Variants in RASEF observed in about 807,000 individuals in gnomAD.
The protein encoded by RASEF is ras and EF-hand domain-containing protein.
RASEF carries 68 observed loss-of-function variants against 90.1 expected under a neutral mutation model. The ratio of observed to expected loss-of-function variants is 0.75; its 90% CI spans 0.62 to 0.92. The LOEUF (loss-of-function observed/expected upper bound fraction) is 0.92, where lower values mean the gene tolerates loss of function less well. Among genes scored for constraint, RASEF ranks in the 40% least tolerant of loss-of-function variants. The pLI, the probability that RASEF is intolerant of heterozygous loss-of-function variation, is 0.00. For missense variants in RASEF, 949 were observed against 937.2 expected (o/e 1.01, Z -0.16); for synonymous variants, 331 against 345.2 (o/e 0.96, Z 0.46).
chr9:83,066,039 A>G (rs1437657643), upstream of RASEF, among the ~76,000 whole-genome samples: 1 of 152,182 alleles, frequency 6.6e-6, no homozygotes, highest in Non-Finnish European at 1.5e-5. Context: ...TGGTGCTCCA[A>G]TAAAAAGAGA....
At chr9:83,183,301 T>G in the RASEF span, among the ~76,000 whole-genome samples, 7 of 151,606 alleles carry the variant, frequency 4.6e-5, no homozygotes, top group African/African-American at 1.7e-4. Flanking sequence ...TTTGTGTTTT[T>G]GTGGAAAACA....
At chr9:83,144,188 G>T in the RASEF span, among the ~76,000 whole-genome samples, 2 of 151,744 alleles carry the variant, frequency 1.3e-5, no homozygotes, top group South Asian at 4.2e-4. Context: ...GACAGGGGAA[G>T]GGAGGCACGG....
chr9:83,002,546 CA>C (rs1829060569), intron 9 of RASEF, among the ~76,000 whole-genome samples: 1 of 150,374 alleles, frequency 6.7e-6, no homozygotes, highest in African/African-American at 2.4e-5. Context: ...CTATTAATAA[CA>C]ATAACAATGA....
At chr9:83,074,136 T>C in the RASEF span, among the ~76,000 whole-genome samples, 2 of 152,118 alleles carry the variant, frequency 1.3e-5, no homozygotes, top group Non-Finnish European at 2.9e-5. Flanking sequence ...TTCTGTAAGC[T>C]CCTTTTATTT....
At chr9:83,101,870 C>T in the RASEF span, among the ~76,000 whole-genome samples, 1 of 152,084 alleles carries the variant, frequency 6.6e-6, no homozygotes, top group East Asian at 1.9e-4. Context: ...CTTGTTGATT[C>T]ACTACCACTG....
intron 16 of RASEF, 26 bp from the exon 17 acceptor site, chr9:82,982,808 AG>A (rs1828637564): frequency 1.3e-5 from 2 of 153,766 alleles, no homozygotes; most frequent in Non-Finnish European, 2.1e-5. Flanking sequence ...AGAGAGACAG[AG>A]AGAGAGAGAG....
chr9:83,041,284 A>G (rs1212094882), intron 1 of RASEF, among the ~76,000 whole-genome samples: 1 of 152,168 alleles, frequency 6.6e-6, no homozygotes, highest in South Asian at 2.1e-4. Context: ...TATATATGTG[A>G]TATTATTTGT....
chr9:83,146,303 G>T, the RASEF span, among the ~76,000 whole-genome samples: 10 of 151,768 alleles, frequency 6.6e-5, no homozygotes, highest in Admixed American at 2.0e-4. Context: ...CATCCCTAAG[G>T]GTCCTTCTAG....
intron 1 of RASEF, among the ~76,000 whole-genome samples, chr9:83,046,023 C>T (rs374146069): frequency 4.7e-4 from 68 of 145,614 alleles, no homozygotes; most frequent in African/African-American, 1.7e-3. Context: ...CCTTCACCTT[C>T]GGAAAAAAAA....
chr9:83,055,439 C>A (rs1830085709), intron 1 of RASEF: 1 of 624,498 alleles, frequency 1.6e-6, no homozygotes, highest in East Asian at 3.0e-5. Flanking sequence ...CCTGCGCCCA[C>A]TGTCTCGCAC....
intron 1 of RASEF, among the ~76,000 whole-genome samples, chr9:83,057,852 T>C (rs11139908): frequency 7.2e-5 from 2 of 27,936 alleles, no homozygotes; most frequent in African/African-American, 2.1e-4. Context: ...TATACATATA[T>C]ATATATATAT....
chr9:83,172,787 T>C, the RASEF span, among the ~76,000 whole-genome samples: 1 of 151,970 alleles, frequency 6.6e-6, no homozygotes, highest in Non-Finnish European at 1.5e-5. Flanking sequence ...ATAGCAGTAG[T>C]TGATACATCA....
chr9:83,162,815 C>T, the RASEF span, among the ~76,000 whole-genome samples: 6 of 152,186 alleles, frequency 3.9e-5, no homozygotes, highest in Non-Finnish European at 2.9e-5. Flanking sequence ...AAATTGCTGG[C>T]AGCTCAGTGT....
the RASEF span, among the ~76,000 whole-genome samples, chr9:83,093,655 C>T: frequency 4.6e-5 from 7 of 152,192 alleles, no homozygotes; most frequent in South Asian, 2.1e-4. Context: ...CCGCAAGGGC[C>T]GCACGCAGCC....
the RASEF span, among the ~76,000 whole-genome samples, chr9:83,194,236 T>A: frequency 6.6e-6 from 1 of 152,210 alleles, no homozygotes; most frequent in East Asian, 1.9e-4. Context: ...ACCTTTAGTC[T>A]TCATGTCTTC....
rs1829094542 is a variant in RASEF at position 83,004,532 on chromosome 9, T to C, written c.1168A>G (p.Ile390Val). Residue 390 changes from isoleucine (I) to valine (V), a missense_variant, in exon 9 of 17, where the codon ATT becomes GTT. Coordinates refer to ENST00000376447, the MANE Select transcript of RASEF (RefSeq NM_152573.4). ...NTISRSSPKF[I>V]GHSPQPLGYD... ...CCTAGAGGTTGAGGGGAATGACCAATGAATTTGGGACTGCTTCTAGAAATT... is the reference window on the plus strand; with the variant it reads ...CCTAGAGGTTGAGGGGAATGACCAACGAATTTGGGACTGCTTCTAGAAATT... 2 of 1,603,772 alleles carry C rather than the reference T, an allele frequency of 1.2e-6. No individual in the cohort carries two copies. Among genetic ancestry groups the C allele is most frequent in the South Asian group, 1.1e-5 (1 of 90,898 alleles).
chr9:83,063,143 G>GAGCGCCCA (rs1830248754), upstream of RASEF: 1 of 424,836 alleles, frequency 2.4e-6, no homozygotes. Context: ...TCCTGCGACT[G>GAGCGCCCA]AGCGCCCAAG....
intron 1 of RASEF, among the ~76,000 whole-genome samples, chr9:83,060,124 G>C (rs1231060054): frequency 6.6e-6 from 1 of 152,066 alleles, no homozygotes; most frequent in Non-Finnish European, 1.5e-5. Flanking sequence ...CACTCCCCAG[G>C]ATAGCCCTGG....
chr9:83,064,957 A>G (rs1830269109), upstream of RASEF, among the ~76,000 whole-genome samples: 1 of 152,178 alleles, frequency 6.6e-6, no homozygotes, highest in African/African-American at 2.4e-5. Flanking sequence ...AGTCCCAGCT[A>G]CTTGGATAGC....
Sources: gnomAD v4.1 joint callset for allele counts (sites outside exome capture counted in the v4.1 genomes callset) on GRCh38, gnomAD v4.1.1 for gene constraint, MANE v1.5 for transcripts, NCBI Gene and HGNC (gene_info 2026-07-23, HGNC 2026-07-21) for gene names.